STAU2: variants seen among roughly 807,000 people sequenced by gnomAD.
STAU2 encodes double-stranded RNA-binding protein Staufen homolog 2.
Under a neutral mutation model 65.9 loss-of-function variants are expected in STAU2, and 20 were observed. That is an observed-to-expected ratio of 0.30 (90% confidence interval 0.21 to 0.44). The LOEUF (loss-of-function observed/expected upper bound fraction) is 0.44. Ranked by LOEUF, STAU2 falls within the 20% of genes least tolerant of loss-of-function variation. The probability of loss-of-function intolerance (pLI) is 1.00; values close to 1 mark genes in which losing one functional copy is unlikely to be tolerated. For missense variants in STAU2, 558 were observed against 683.9 expected, an observed-to-expected ratio of 0.82 and a Z score of 2.05; for synonymous variants, 232 against 233.9, an observed-to-expected ratio of 0.99 and a Z score of 0.07.
At chr8:73,685,884 G>A (rs757980439) in intron 5 of STAU2, among the ~76,000 whole-genome samples, 18 of 152,072 alleles carry the variant, frequency 1.2e-4, no homozygotes, top group Admixed American at 2.6e-4. Flanking sequence ...TCACAATTGC[G>A]AAAACATAAA....
At chr8:73,695,329 G>C (rs541522375) in intron 4 of STAU2, among the ~76,000 whole-genome samples, 2 of 152,248 alleles carry the variant, frequency 1.3e-5, no homozygotes, top group African/African-American at 4.8e-5. Context: ...CCAGGCCCTA[G>C]CTCCAAGATA....
At chr8:73,582,894 A>G (rs1810097268) in intron 11 of STAU2, 64 bp from the exon 12 acceptor site, 2 of 1,476,986 alleles carry the variant, frequency 1.4e-6, no homozygotes, top group Non-Finnish European at 9.3e-7. Flanking sequence ...AAAAAAAAAA[A>G]GGTGACCAAT....
chr8:73,740,763 G>A (rs984462424), intron 1 of STAU2, among the ~76,000 whole-genome samples: 1 of 152,244 alleles, frequency 6.6e-6, no homozygotes, highest in South Asian at 2.1e-4. Flanking sequence ...CACTCCGGGA[G>A]GCCGAGGTGG....
chr8:73,449,821 G>C (rs184898399), intron 13 of STAU2, among the ~76,000 whole-genome samples: 1,697 of 152,300 alleles, frequency 0.011, 21 homozygotes, highest in Non-Finnish European at 0.016. Context: ...GGGGTGAGGC[G>C]GGGAGACACC....
intron 13 of STAU2, among the ~76,000 whole-genome samples, chr8:73,458,951 C>T (rs953245390): frequency 2.0e-5 from 3 of 152,170 alleles, no homozygotes; most frequent in African/African-American, 4.8e-5. Context: ...ACTAGAGTTT[C>T]GTGGAAAACA....
chr8:73,551,510 T>C (rs1214031274), intron 13 of STAU2: 55 of 987,254 alleles, frequency 5.6e-5, no homozygotes, highest in Middle Eastern at 5.6e-4. Flanking sequence ...CCTAAGGTAA[T>C]AGACTTCTAG....
chr8:73,543,061 T>C (rs1483660816), intron 13 of STAU2, among the ~76,000 whole-genome samples: 1 of 152,124 alleles, frequency 6.6e-6, no homozygotes, highest in Non-Finnish European at 1.5e-5. Flanking sequence ...CTGAAACAAT[T>C]TGTGGTATAT....
chr8:73,662,069 G>T (rs1816870063), intron 6 of STAU2, among the ~76,000 whole-genome samples: 1 of 152,116 alleles, frequency 6.6e-6, no homozygotes, highest in Admixed American at 6.5e-5. Context: ...GAGACTTCCA[G>T]TTGCCCCACC....
intron 8 of STAU2, 24 bp downstream of exon 8, chr8:73,615,651 G>T: frequency 2.6e-6 from 4 of 1,566,018 alleles, no homozygotes; most frequent in Non-Finnish European, 2.6e-6. Context: ...GGAAAAAATG[G>T]GAAGATCTCT....
At chr8:73,461,415 G>A (rs1819343929) in intron 13 of STAU2, among the ~76,000 whole-genome samples, 1 of 152,026 alleles carries the variant, frequency 6.6e-6, no homozygotes, top group South Asian at 2.1e-4. Flanking sequence ...GGGGCTCAGA[G>A]GAGTAATACA....
intron 13 of STAU2, among the ~76,000 whole-genome samples, chr8:73,481,516 C>CAAAAAAAA (rs33917654): frequency 7.3e-6 from 1 of 137,592 alleles, no homozygotes; most frequent in Non-Finnish European, 1.5e-5. Context: ...AACAAAAAAA[C>CAAAAAAAA]AAAAAAAAAA....
At chr8:73,742,882 C>T (rs1806983652) in intron 1 of STAU2, among the ~76,000 whole-genome samples, 1 of 152,188 alleles carries the variant, frequency 6.6e-6, no homozygotes, top group South Asian at 2.1e-4. Flanking sequence ...AATAATTAAA[C>T]TGCTTTATAA....
intron 4 of STAU2, among the ~76,000 whole-genome samples, chr8:73,691,667 C>T (rs997511833): frequency 2.0e-5 from 3 of 152,112 alleles, no homozygotes; most frequent in African/African-American, 7.2e-5. Context: ...ATCAGTATCT[C>T]TCCCCTAAAC....
At chr8:73,557,534 ACCCCAG>A (rs1807881349) in intron 12 of STAU2, among the ~76,000 whole-genome samples, 1 of 152,162 alleles carries the variant, frequency 6.6e-6, no homozygotes, top group Non-Finnish European at 1.5e-5. Context: ...CCAAAAAACT[ACCCCAG>A]TTCATACTTC....
chr8:73,661,269 TG>T (rs1448707976), intron 6 of STAU2, among the ~76,000 whole-genome samples: 1 of 152,188 alleles, frequency 6.6e-6, no homozygotes, highest in Admixed American at 6.5e-5. Flanking sequence ...GCTAAGCAAC[TG>T]AACCAGCCTA....
intron 6 of STAU2, chr8:73,651,231 G>A (rs1419916323): frequency 3.0e-5 from 22 of 740,820 alleles, no homozygotes; most frequent in East Asian, 8.4e-5. Context: ...ATCTGCCTCC[G>A]CCAGAGAGGG....
intron 4 of STAU2, among the ~76,000 whole-genome samples, chr8:73,691,009 T>C (rs1028731192): frequency 6.6e-6 from 1 of 152,156 alleles, no homozygotes; most frequent in South Asian, 2.1e-4. Flanking sequence ...ATATATAATA[T>C]ACATAATCTT....
intron 6 of STAU2, among the ~76,000 whole-genome samples, chr8:73,672,796 A>G (rs2130409484): frequency 6.6e-6 from 1 of 152,146 alleles, no homozygotes; most frequent in East Asian, 1.9e-4. Context: ...AACACTATAA[A>G]CTGTGAAATG....
At chr8:73,699,835 CT>C (rs1181298949) in intron 4 of STAU2, among the ~76,000 whole-genome samples, 1 of 138,536 alleles carries the variant, frequency 7.2e-6, no homozygotes, top group Non-Finnish European at 1.5e-5. Context: ...CAGTATTACC[CT>C]GATACCAAAA....
Sources: gnomAD v4.1 joint callset for allele counts (sites outside exome capture counted in the v4.1 genomes callset) on GRCh38, gnomAD v4.1.1 for gene constraint, MANE v1.5 for transcripts, NCBI Gene and HGNC (gene_info 2026-07-23, HGNC 2026-07-21) for gene names.